The following RRAS2 variants were observed in gnomAD, a reference collection of about 807,000 sequenced individuals.
RRAS2 encodes the protein ras-related protein R-Ras2.
A neutral mutation model predicts 27.6 loss-of-function variants in RRAS2; 7 were observed. That is an observed-to-expected ratio of 0.25 (90% CI 0.14 to 0.48). RRAS2 has a LOEUF of 0.48. Among genes scored for constraint, RRAS2 ranks in the 20% least tolerant of loss-of-function variants. The probability of loss-of-function intolerance (pLI) is 0.99; values close to 1 mark genes in which losing one functional copy is unlikely to be tolerated. For missense variants in RRAS2, 178 were observed against 256.2 expected (o/e 0.69, Z 2.08); for synonymous variants, 86 against 90.9 (o/e 0.95, Z 0.31).
At chr11:14,314,733 A>G (rs1848057015) in intron 1 of RRAS2, among the ~76,000 whole-genome samples, 1 of 152,194 alleles carries the variant, frequency 6.6e-6, no homozygotes, top group Non-Finnish European at 1.5e-5. Context: ...TCTGTCGCCC[A>G]TGCTGGAGTG....
At chr11:14,357,074 C>T (rs1335621911) in intron 1 of RRAS2, among the ~76,000 whole-genome samples, 1 of 152,086 alleles carries the variant, frequency 6.6e-6, no homozygotes, top group Non-Finnish European at 1.5e-5. Flanking sequence ...GTGTGAGCCA[C>T]GACGCCAGGC....
chr11:14,354,672 CTTT>C (rs35556947), intron 1 of RRAS2, among the ~76,000 whole-genome samples: 7 of 110,412 alleles, frequency 6.3e-5, no homozygotes, highest in African/African-American at 1.1e-4. Context: ...GTAACAATTT[CTTT>C]TTTTTTTTTT....
chr11:14,302,073 TACACACACACACACACACACAC>T, intron 1 of RRAS2, among the ~76,000 whole-genome samples: 1 of 142,474 alleles, frequency 7.0e-6, no homozygotes, highest in South Asian at 2.3e-4. Flanking sequence ...ACCACACACA[TACACACACACACACACACACAC>T]ACACACACAC....
chr11:14,357,389 C>A (rs568748124), intron 1 of RRAS2, among the ~76,000 whole-genome samples: 15 of 152,232 alleles, frequency 9.9e-5, no homozygotes, highest in African/African-American at 3.6e-4. Context: ...AATCTCTCTG[C>A]GCCCTAGGGA....
intron 1 of RRAS2, among the ~76,000 whole-genome samples, chr11:14,310,868 TA>T (rs1186606585): frequency 3.9e-5 from 6 of 152,356 alleles, no homozygotes; most frequent in African/African-American, 1.4e-4. Context: ...ATTGTGTGGC[TA>T]CTGCTTTCCT....
intron 1 of RRAS2, among the ~76,000 whole-genome samples, chr11:14,325,372 C>G (rs538520205): frequency 6.8e-6 from 1 of 148,058 alleles, no homozygotes; most frequent in East Asian, 2.0e-4. Context: ...AGTGCAGTGG[C>G]GCGATCTTGG....
chr11:14,330,963 G>A (rs1848470014), intron 1 of RRAS2, among the ~76,000 whole-genome samples: 1 of 152,134 alleles, frequency 6.6e-6, no homozygotes, highest in African/African-American at 2.4e-5. Context: ...GTTGCTCAGG[G>A]TGGTGTGCAC....
intron 1 of RRAS2, among the ~76,000 whole-genome samples, chr11:14,339,138 T>C (rs1848645888): frequency 6.6e-6 from 1 of 151,662 alleles, no homozygotes; most frequent in African/African-American, 2.4e-5. Context: ...ACAAGGAAAA[T>C]AACTTTAAAA....
chr11:14,286,251 A>G (rs1275100939), intron 4 of RRAS2, among the ~76,000 whole-genome samples: 1 of 152,048 alleles, frequency 6.6e-6, no homozygotes, highest in African/African-American at 2.4e-5. Context: ...TTGCTTCTTT[A>G]TATGTATGGG....
intron 5 of RRAS2, among the ~76,000 whole-genome samples, chr11:14,279,895 G>A (rs1412369966): frequency 6.6e-6 from 1 of 152,178 alleles, no homozygotes; most frequent in Non-Finnish European, 1.5e-5. Context: ...CACAGCTGTT[G>A]TGAGGATTAA....
chr11:14,318,428 G>T (rs1208883256), intron 1 of RRAS2, among the ~76,000 whole-genome samples: 1 of 152,044 alleles, frequency 6.6e-6, no homozygotes, highest in Non-Finnish European at 1.5e-5. Context: ...ACTTGAACCT[G>T]AGAGGCAGAG....
chr11:14,354,502 C>T lies in RRAS2; in HGVS notation c.108+4261G>A, dbSNP rs372843173. 2.6e-5 allele frequency: 4 copies of T among 151,926 alleles called. No homozygotes were observed. In the South Asian group the frequency reaches 6.2e-4, roughly 24 times the overall value. 9.4% of individuals were successfully genotyped at this position (151,926 alleles called of 1,614,324 possible). On this transcript the variant is annotated intron_variant, in intron 1 of 5. Coordinates refer to ENST00000256196, the MANE Select transcript of RRAS2 (RefSeq NM_012250.6). The stretch of plus-strand genomic sequence containing the variant: ...CCACATTCATCACCTGAATACCACA[C>T]AGAAGTAAGGAGGGGAGTATAGGGT...
intron 4 of RRAS2, 146 bp from the exon 5 acceptor site, chr11:14,281,866 A>G (rs1294821091): frequency 1.2e-5 from 8 of 652,062 alleles, no homozygotes; most frequent in African/African-American, 1.1e-4. Flanking sequence ...ACAGCTCAAG[A>G]TAAACTAAAG....
At chr11:14,352,754 T>TAGAGAGAG (rs1491413548) in intron 1 of RRAS2, among the ~76,000 whole-genome samples, 3 of 118,680 alleles carry the variant, frequency 2.5e-5, no homozygotes, top group African/African-American at 6.2e-5. Context: ...AATATATATA[T>TAGAGAGAG]ATAGAGAGAG....
Position 14,280,757 on chromosome 11 carries a change from A to G in RRAS2, c.527+845T>C, listed in dbSNP as rs914822044. ...AAAAAAAAAAAAAAAAAAAAAAAAA[A>G]GCAGCCCACTTCACATTCCTATCAA... On this transcript the variant is annotated intron_variant, in intron 5 of 5. Coordinates refer to ENST00000256196, the MANE Select transcript of RRAS2 (RefSeq NM_012250.6). Among the ~76,000 whole-genome samples the G allele has an allele frequency of 6.0e-5, 7 of 116,964 alleles. No individual in the cohort carries two copies. In the East Asian group the frequency reaches 8.6e-4, roughly 14 times the overall value. The allele number at this position is 116,964 out of a possible 152,430, so 76.7% of individuals were successfully genotyped here. A position where few individuals can be genotyped will look rare whatever the true frequency, so the allele number is the denominator to read the frequency against.
rs16913827 is a variant in RRAS2, at chr11:14,327,993, A to G, written c.108+30770T>C. 9.8e-3 allele frequency among the ~76,000 whole-genome samples: 1,492 copies of G among 152,212 alleles called. 65 individuals carry two copies. In the East Asian group the frequency reaches 0.11, roughly 11 times the overall value. ...ACAAAGTTAAATGGCTTCATTAGAG[A>G]AAAAAAAGTCTTGACAGGATTTTCT... On this transcript the variant is annotated intron_variant, in intron 1 of 5. Transcript: ENST00000256196.
At chr11:14,341,783 T>C (rs2134023729) in intron 1 of RRAS2, 2 of 453,608 alleles carry the variant, frequency 4.4e-6, no homozygotes, top group Middle Eastern at 3.4e-4. Flanking sequence ...GAAAATGTTA[T>C]GAAAAAATAT....
chr11:14,296,835 G>T (rs1248119179), intron 1 of RRAS2, among the ~76,000 whole-genome samples: 7 of 151,848 alleles, frequency 4.6e-5, no homozygotes, highest in Non-Finnish European at 1.0e-4. Context: ...AAAAGGGGGG[G>T]GACAGTTAAA....
chr11:14,343,758 C>T (rs1407762314), intron 1 of RRAS2, among the ~76,000 whole-genome samples: 3 of 151,772 alleles, frequency 2.0e-5, no homozygotes, highest in South Asian at 2.1e-4. Flanking sequence ...CGCCTCTACC[C>T]GGCAGAAGGA....
Sources: gnomAD v4.1 joint callset for allele counts (sites outside exome capture counted in the v4.1 genomes callset) on GRCh38, gnomAD v4.1.1 for gene constraint, MANE v1.5 for transcripts, NCBI Gene and HGNC (gene_info 2026-07-23, HGNC 2026-07-21) for gene names.